Variants in TNRC18 observed in about 807,000 individuals in gnomAD.
TNRC18 encodes trinucleotide repeat-containing gene 18 protein.
A neutral mutation model predicts 226.7 loss-of-function variants in TNRC18; 69 were observed. That is an observed-to-expected ratio of 0.30 (90% CI 0.25 to 0.37). The LOEUF is 0.37. Ranked by LOEUF, TNRC18 falls within the 10% of genes least tolerant of loss-of-function variation. The pLI is 1.00. For synonymous variants in TNRC18, 2,449 were observed against 1,927.6 expected (o/e 1.27, Z -7.09); for missense variants, 4,754 against 4,256.6 (o/e 1.12, Z -3.25).
At chr7:5,420,734 G>A (rs1782517516) in intron 2 of TNRC18, 2 of 583,028 alleles carry the variant, frequency 3.4e-6, no homozygotes, top group Non-Finnish European at 6.5e-6. Context: ...TTCTTTTCTC[G>A]CCCAGATTTT....
chr7:5,339,262 TG>T (rs1325444764), intron 18 of TNRC18, among the ~76,000 whole-genome samples: 1 of 150,914 alleles, frequency 6.6e-6, no homozygotes, highest in Non-Finnish European at 1.5e-5. Flanking sequence ...TTTTTTGAGA[TG>T]GAGTCTCACT....
chr7:5,385,982 C>CAA (rs1160231238), intron 5 of TNRC18, among the ~76,000 whole-genome samples: 7,065 of 40,934 alleles, frequency 0.17, 845 homozygotes, highest in Non-Finnish European at 0.2. Context: ...AAGTCTGTCT[C>CAA]AAAAAAAAAA....
At chr7:5,316,357 G>A (rs1203918824) in intron 24 of TNRC18, among the ~76,000 whole-genome samples, 2 of 136,222 alleles carry the variant, frequency 1.5e-5, no homozygotes, top group African/African-American at 2.7e-5. Context: ...TTGGCTCGCC[G>A]CAACCTCCGC....
At chr7:5,421,773 G>C (rs1782601254) in intron 1 of TNRC18, among the ~76,000 whole-genome samples, 1 of 152,206 alleles carries the variant, frequency 6.6e-6, no homozygotes, top group Admixed American at 6.5e-5. Flanking sequence ...CGGCTGCCGG[G>C]TCCTCCCGAA....
rs761926731 is a variant in TNRC18, at chr7:5,312,890, G to A, written c.8001C>T (p.Ser2667=). ...SSSSSSSSSS[S]SSSSTTDEDS... ...CCTCGTCTGTGGTGGAGGAAGAAGAGGAGGAAGAGGAGGAGGAGGAGGAGG... is the reference window on the plus strand; with the variant it reads ...CCTCGTCTGTGGTGGAGGAAGAAGAAGAGGAAGAGGAGGAGGAGGAGGAGG... The change falls in exon 27 of 30, where the codon TCC becomes TCT. Residue 2667 remains serine, a synonymous_variant. Transcript: ENST00000430969. This position sits in a 1 kb window ranked among gnomAD's most constrained non-coding sequence, Gnocchi z 6.3. 2.0e-6 allele frequency: 3 copies of A among 1,518,498 alleles called. No individual in the cohort carries two copies. Among genetic ancestry groups the A allele is most frequent in the Non-Finnish European group, 2.7e-6 (3 of 1,132,076 alleles). 94.1% of individuals were successfully genotyped at this position (1,518,498 alleles called of 1,614,324 possible).
At chr7:5,359,010 C>A (rs1792750576) in intron 15 of TNRC18, among the ~76,000 whole-genome samples, 1 of 152,198 alleles carries the variant, frequency 6.6e-6, no homozygotes, top group African/African-American at 2.4e-5. Context: ...TGGCACCAAG[C>A]CCTTGTTTCT....
Position 5,394,368 on chromosome 7 carries a change from CACATGAAGT to C in TNRC18, c.343+63_343+71del. ...CAGCTCAGCGATGACAACAGAGGGGCACATGAAGTGGCCAGAGTGGCTGGGACGTCAGCC... is the reference window on the plus strand; with the variant it reads ...CAGCTCAGCGATGACAACAGAGGGGCGGCCAGAGTGGCTGGGACGTCAGCC... On this transcript the variant is annotated intron_variant, in intron 3 of 29. Coordinates refer to ENST00000430969, the MANE Select transcript of TNRC18 (RefSeq NM_001080495.3). The surrounding 1 kb of genome is among the most constrained non-coding windows in gnomAD (Gnocchi z 4.5). 2.2e-6 allele frequency: 3 copies of C among 1,389,280 alleles called. No homozygotes were observed. The highest frequency in any genetic ancestry group is 3.0e-5 in the Admixed American group (1 of 33,480). The allele number at this position is 1,389,280 out of a possible 1,614,324, so 86.1% of individuals were successfully genotyped here. A position where few individuals can be genotyped will look rare whatever the true frequency, so the allele number is the denominator to read the frequency against.
intron 18 of TNRC18, among the ~76,000 whole-genome samples, chr7:5,335,835 G>GAAA (rs61412615): frequency 4.3e-4 from 55 of 126,784 alleles, no homozygotes; most frequent in Non-Finnish European, 5.3e-4. Context: ...ATATTCACTG[G>GAAA]AAAAAAAAAA....
At chr7:5,336,485 T>C (rs1378328410) in intron 18 of TNRC18, among the ~76,000 whole-genome samples, 3 of 151,938 alleles carry the variant, frequency 2.0e-5, no homozygotes, top group African/African-American at 7.3e-5. Context: ...GGCTCACACC[T>C]ATAATCCCGG....
At position 5,394,423 on chromosome 7, in the gene TNRC18, C is replaced by T; in HGVS notation, c.343+17G>A. On this transcript the variant is annotated intron_variant, in intron 3 of 29. Transcript: ENST00000430969. This position sits in a 1 kb window ranked among gnomAD's most constrained non-coding sequence, Gnocchi z 4.5. ...CAGCCCAGCAGCCCTCAGCCCCGAC[C>T]CCGGCATGTTCCTTACCTTCATGGG... 1 of 1,520,768 alleles carries T rather than the reference C, an allele frequency of 6.6e-7. No homozygotes were observed. The allele number at this position is 1,520,768 out of a possible 1,614,324, so 94.2% of individuals were successfully genotyped here. A position where few individuals can be genotyped will look rare whatever the true frequency, so the allele number is the denominator to read the frequency against.
At chr7:5,396,454 G>A (rs1332978309) in intron 2 of TNRC18, among the ~76,000 whole-genome samples, 1 of 152,124 alleles carries the variant, frequency 6.6e-6, no homozygotes, top group African/African-American at 2.4e-5. Context: ...CCCAGGAGCT[G>A]GGAGACTGCA....
chr7:5,377,681 AGGACAAC>A lies in TNRC18; in HGVS notation c.2256-112_2256-106del. 7.8e-7 allele frequency: 1 copy of A among 1,286,236 alleles called. No homozygotes were observed. The highest frequency in any genetic ancestry group is 1.1e-6 in the Non-Finnish European group (1 of 928,392). 79.7% of individuals were successfully genotyped at this position (1,286,236 alleles called of 1,614,324 possible). A position where few individuals can be genotyped will look rare whatever the true frequency, so the allele number is the denominator to read the frequency against. The stretch of plus-strand genomic sequence containing the variant: ...ACTGTTTGCCACCAGGCCATGAGTC[AGGACAAC>A]CACTGCTCGGAACTGAAGGGCCTCC... On this transcript the variant is annotated intron_variant, in intron 6 of 29. Coordinates refer to ENST00000430969, the MANE Select transcript of TNRC18 (RefSeq NM_001080495.3). This position sits in a 1 kb window ranked among gnomAD's most constrained non-coding sequence, Gnocchi z 5.8.
At chr7:5,333,660 G>T (rs1789793384) in intron 18 of TNRC18, among the ~76,000 whole-genome samples, 1 of 152,070 alleles carries the variant, frequency 6.6e-6, no homozygotes. Flanking sequence ...CAGCCTCTGA[G>T]CACAGCCACC....
chr7:5,379,202 AAAAAAAAC>A (rs1185321080), intron 5 of TNRC18, among the ~76,000 whole-genome samples: 3 of 151,776 alleles, frequency 2.0e-5, no homozygotes, highest in Non-Finnish European at 4.4e-5. Context: ...CTCCGTCAAA[AAAAAAAAC>A]AAAAAAACAA....
rs1345408243 is a variant in TNRC18, at chr7:5,388,348, C to T, written c.1476G>A (p.Lys492=). The T allele has an allele frequency of 1.9e-6, 3 of 1,583,862 alleles. No homozygotes were observed. Among genetic ancestry groups the T allele is most frequent in the Non-Finnish European group, 2.6e-6 (3 of 1,167,404 alleles). ...GGCGCCCGGGCTCCAGGCCGAAGAG[C>T]TTGGCGGCCTGTTGGGCTGCAGGAC... ...PAGPAAQQAA[K]LFGLEPGRPP... The change falls in exon 5 of 30, where the codon AAG becomes AAA. Residue 492 remains lysine (K), a synonymous_variant. Coordinates refer to ENST00000430969, the MANE Select transcript of TNRC18 (RefSeq NM_001080495.3).
At chr7:5,366,995 A>T (rs1467255376) in intron 11 of TNRC18, among the ~76,000 whole-genome samples, 1 of 152,220 alleles carries the variant, frequency 6.6e-6, no homozygotes, top group African/African-American at 2.4e-5. Flanking sequence ...TGTGGGAGAC[A>T]GGGCGTTTGC....
Position 5,307,288 on chromosome 7 carries a change from T to C in TNRC18, c.*818A>G, listed in dbSNP as rs941813923. The C allele has an allele frequency of 3.3e-5, 5 of 150,580 alleles. No individual in the cohort carries two copies. Among genetic ancestry groups the C allele is most frequent in the African/African-American group, 1.2e-4 (5 of 41,114 alleles). 9.3% of individuals were successfully genotyped at this position (150,580 alleles called of 1,614,324 possible). ...ATTTATATATATTTATCTTTATATA[T>C]ATAATTAAAAAGTTGACTCCATTTA... On this transcript the variant is annotated 3_prime_UTR_variant, in exon 30 of 30. Transcript: ENST00000430969.
chr7:5,406,844 CTG>C (rs1781501365), intron 2 of TNRC18, among the ~76,000 whole-genome samples: 1 of 140,650 alleles, frequency 7.1e-6, no homozygotes, highest in Admixed American at 7.0e-5. Flanking sequence ...GAGCGAGACT[CTG>C]TCTCAAAAAA....
Position 5,389,249 on chromosome 7 carries a change from G to A in TNRC18, c.575C>T (p.Ser192Leu), listed in dbSNP as rs570706391. ...CGACGAGCCTTTGGCCGGGGCGCCC[G>A]AGGAGTGGCCGCCGCCAGGGGTCCG... ...SARTPGGGHSSGAPAKGSSSR... is the reference protein window; with the variant it reads ...SARTPGGGHSLGAPAKGSSSR... Residue 192 changes from serine (S) to leucine (L), a missense_variant, in exon 5 of 30, where the codon TCG becomes TTG. Physicochemically the swap from Ser to Leu is moderately radical, Grantham distance 145. Coordinates refer to ENST00000430969, the MANE Select transcript of TNRC18 (RefSeq NM_001080495.3). 37 of 1,317,458 alleles carry A rather than the reference G, an allele frequency of 2.8e-5. No individual in the cohort carries two copies. The Admixed American group carries it at 3.8e-4, about 14-fold the overall frequency. 81.6% of individuals were successfully genotyped at this position (1,317,458 alleles called of 1,614,324 possible).
Sources: allele counts gnomAD v4.1 joint callset (sites outside exome capture counted in the v4.1 genomes callset), GRCh38; gene constraint gnomAD v4.1.1; non-coding constraint Gnocchi (gnomAD v3.1); transcripts MANE v1.5; gene names NCBI Gene and HGNC (gene_info 2026-07-23, HGNC 2026-07-21).